FAM217A: variants seen among roughly 807,000 people sequenced by gnomAD.
FAM217A encodes the protein protein FAM217A.
Under a neutral mutation model 18.5 loss-of-function variants are expected in FAM217A, and 13 were observed. The ratio of observed to expected loss-of-function variants is 0.70; its 90% CI spans 0.46 to 1.12. The LOEUF (loss-of-function observed/expected upper bound fraction) is 1.12, where lower values mean the gene tolerates loss of function less well. Among genes scored for constraint, FAM217A ranks in the 50% most tolerant of loss-of-function variants. The pLI, the probability that FAM217A is intolerant of heterozygous loss-of-function variation, is 0.00. For synonymous variants in FAM217A, 161 were observed against 202.8 expected (o/e 0.79, Z 1.75); for missense variants, 560 against 575.4 (o/e 0.97, Z 0.27).
At position 4,073,468 on chromosome 6, in the gene FAM217A, G is replaced by T; in HGVS notation, c.199C>A (p.Pro67Thr). 2 of 1,613,496 alleles carry T rather than the reference G, an allele frequency of 1.2e-6. No homozygotes were observed. The highest frequency in any genetic ancestry group is 1.7e-6 in the Non-Finnish European group (2 of 1,179,774). The change falls in exon 5 of 7, where the codon CCT (proline) becomes ACT (threonine). Residue 67 changes from proline to threonine, a missense_variant. Pro to Thr is a conservative substitution (Grantham distance 38, BLOSUM62 -1). Coordinates refer to ENST00000274673, the MANE Select transcript of FAM217A (RefSeq NM_173563.3). ...EIPVEQLMLE[P>T]NLSVHSQKST... The stretch of plus-strand genomic sequence containing the variant: ...TTTTGACTATGCACCGACAAATTAG[G>T]TTCTAGCATCAGTTGCTCCACTGGA...
chr6:4,069,051 G>A lies in FAM217A; in HGVS notation c.1172C>T (p.Thr391Ile), dbSNP rs755217569. 6 of 1,614,020 alleles carry A rather than the reference G, an allele frequency of 3.7e-6. No individual in the cohort carries two copies. The highest frequency in any genetic ancestry group is 2.2e-5 in the South Asian group (2 of 91,006). ...SRPLSLKSSS[T>I]PKQLIETYDK... Reference sequence around the variant, plus strand: ...ATAAGTTTCAATCAATTGTTTTGGGGTGGAAGAACTTTTTAGAGACAGTGG... The same window carrying A: ...ATAAGTTTCAATCAATTGTTTTGGGATGGAAGAACTTTTTAGAGACAGTGG... The change falls in exon 7 of 7, where the codon ACC (threonine) becomes ATC (isoleucine). Residue 391 changes from threonine to isoleucine, a missense_variant. Transcript: ENST00000274673.
rs150752718 is a variant in FAM217A at position 4,069,505 on chromosome 6, C to G, written c.718G>C (p.Glu240Gln). ...TIKNVEEPFT[E>Q]EPNEVFPYPD... ...TATGGAAATACTTCATTTGGCTCCT[C>G]GGTGAAAGGTTCCTCAACATTTTTT... The change falls in exon 7 of 7, where the codon GAG becomes CAG. Residue 240 changes from glutamate to glutamine, a missense_variant. Coordinates refer to ENST00000274673, the MANE Select transcript of FAM217A (RefSeq NM_173563.3). 4.8e-4 allele frequency: 779 copies of G among 1,614,084 alleles called. 3 individuals carry two copies. The highest frequency in any genetic ancestry group is 6.0e-4 in the Non-Finnish European group (712 of 1,180,020).
At position 4,068,608 on chromosome 6, in the gene FAM217A, A is replaced by C; in HGVS notation, c.*88T>G. On this transcript the variant is annotated 3_prime_UTR_variant, in exon 7 of 7. Coordinates refer to ENST00000274673, the MANE Select transcript of FAM217A (RefSeq NM_173563.3). ...TTGGTGATTTTGGGGGACTGTTAAT[A>C]GTACCTGTGTCTTGGAATAATTAAC... 9.3e-5 allele frequency: 132 copies of C among 1,417,966 alleles called. No homozygotes were observed. The highest frequency in any genetic ancestry group is 1.1e-4 in the Non-Finnish European group (116 of 1,054,196). 87.8% of individuals were successfully genotyped at this position (1,417,966 alleles called of 1,614,324 possible).
chr6:4,078,000 A>C (rs73351529), intron 1 of FAM217A, among the ~76,000 whole-genome samples: 4,365 of 152,012 alleles, frequency 0.029, 197 homozygotes, highest in African/African-American at 0.1. Flanking sequence ...CTCTAAGGTA[A>C]CAAGCAAAAC....
intron 1 of FAM217A, chr6:4,084,852 G>T: frequency 2.9e-6 from 2 of 697,366 alleles, no homozygotes; most frequent in South Asian, 1.5e-5. Flanking sequence ...TAAAAGTCAT[G>T]AATAAAAGAT....
intron 6 of FAM217A, among the ~76,000 whole-genome samples, chr6:4,072,709 C>G (rs540165306): frequency 1.3e-5 from 2 of 151,880 alleles, no homozygotes; most frequent in South Asian, 4.2e-4. Flanking sequence ...TTGTGATGAG[C>G]TGAGATTGCA....
Position 4,069,151 on chromosome 6 carries a change from C to T in FAM217A, c.1072G>A (p.Gly358Ser), listed in dbSNP as rs768270632. ...KSQEKSKNNS[G>S]SCKLEQNALK... ...GCATTTTGTTCAAGCTTACAAGAACCAGAGTTGTTTTTACTTTTTTCTTGA... is the reference window on the plus strand; with the variant it reads ...GCATTTTGTTCAAGCTTACAAGAACTAGAGTTGTTTTTACTTTTTTCTTGA... The change falls in exon 7 of 7, where the codon GGT becomes AGT. Residue 358 changes from glycine to serine, a missense_variant. By Grantham distance (56) the Gly-to-Ser change is moderately conservative. Transcript: ENST00000274673. 6.2e-7 allele frequency: 1 copy of T among 1,614,040 alleles called. No homozygotes were observed. Among genetic ancestry groups the T allele is most frequent in the South Asian group, 1.1e-5 (1 of 91,040 alleles).
chr6:4,085,309 A>AT (rs1218177567), intron 1 of FAM217A, among the ~76,000 whole-genome samples: 1 of 114,382 alleles, frequency 8.7e-6, no homozygotes, highest in African/African-American at 3.6e-5. Context: ...ATTGTAAAAA[A>AT]AAATATATAT....
At chr6:4,077,933 A>T (rs1488358114) in intron 1 of FAM217A, among the ~76,000 whole-genome samples, 1 of 152,186 alleles carries the variant, frequency 6.6e-6, no homozygotes, top group African/African-American at 2.4e-5. Context: ...GCACCAATCA[A>T]TCAAGGTACC....
chr6:4,076,988 A>G lies in FAM217A; in HGVS notation c.60+367T>C, dbSNP rs570507308. Reference sequence around the variant, plus strand: ...AAGTCTGACAGTTTGCAAATTTCTTAAGAGTTGGGACTTGATTATGCTTTG... The same window carrying G: ...AAGTCTGACAGTTTGCAAATTTCTTGAGAGTTGGGACTTGATTATGCTTTG... On this transcript the variant is annotated intron_variant, in intron 2 of 6. Coordinates refer to ENST00000274673, the MANE Select transcript of FAM217A (RefSeq NM_173563.3). Among the ~76,000 whole-genome samples, 6 of 152,322 alleles carry G rather than the reference A, an allele frequency of 3.9e-5. No individual in the cohort carries two copies. In the South Asian group the frequency reaches 1.2e-3, roughly 32 times the overall value.
intron 3 of FAM217A, 59 bp from the exon 4 acceptor site, chr6:4,074,515 C>A: frequency 6.3e-7 from 1 of 1,579,322 alleles, no homozygotes; most frequent in Non-Finnish European, 8.7e-7. Context: ...ATATTCAAAA[C>A]AAACCCCCTT....
intron 1 of FAM217A, among the ~76,000 whole-genome samples, chr6:4,085,391 C>G (rs1053259408): frequency 4.0e-5 from 6 of 151,452 alleles, no homozygotes; most frequent in Non-Finnish European, 8.8e-5. Context: ...ATAATTGTGA[C>G]CTACTTCAGA....
At chr6:4,077,570 G>A in intron 1 of FAM217A, 122 bp from the exon 2 acceptor site, 1 of 816,646 alleles carries the variant, frequency 1.2e-6, no homozygotes, top group Non-Finnish European at 2.0e-6. Context: ...AGAAGAGAGG[G>A]GCTAGGAGAG....
intron 2 of FAM217A, 74 bp from the exon 3 acceptor site, chr6:4,074,735 T>C: frequency 1.8e-6 from 2 of 1,130,942 alleles, no homozygotes; most frequent in Non-Finnish European, 2.7e-6. Flanking sequence ...CACATGTTCT[T>C]GGGGTAAAGT....
chr6:4,071,215 A>AT (rs1769389231), intron 6 of FAM217A, among the ~76,000 whole-genome samples: 1 of 152,122 alleles, frequency 6.6e-6, no homozygotes. Flanking sequence ...GATAATACCT[A>AT]CCTTGGAGGT....
upstream of FAM217A, chr6:4,079,581 C>G (rs773187454): frequency 1.6e-6 from 2 of 1,286,354 alleles, no homozygotes; most frequent in Non-Finnish European, 2.0e-6. Context: ...CTGAGCTCTC[C>G]GCGACATGGC....
chr6:4,077,052 G>T (rs940918050), intron 2 of FAM217A, among the ~76,000 whole-genome samples: 1 of 152,162 alleles, frequency 6.6e-6, no homozygotes, highest in Non-Finnish European at 1.5e-5. Flanking sequence ...TTCACAAAGG[G>T]TGTGTGTGTG....
chr6:4,069,899 C>T lies in FAM217A; in HGVS notation c.324G>A (p.Val108=), dbSNP rs1769291115. ...GATTGATTACATTAAAGCCAGTTTC[C>T]ACTGAAGATTTTTTGAATTCCCTTT... ...IEKREFKKSS[V]ETGFNVINHP... is the part of the protein sequence containing the mutation. The change falls in exon 7 of 7, where the codon GTG becomes GTA. Residue 108 remains valine, a synonymous_variant. Transcript: ENST00000274673. The T allele has an allele frequency of 6.4e-7, 1 of 1,571,518 alleles. No individual in the cohort carries two copies. The highest frequency in any genetic ancestry group is 1.2e-5 in the South Asian group (1 of 84,844).
In FAM217A at chr6:4,078,840, C is replaced by A. The variant is rs1388929885; in HGVS notation, c.-35+12G>T. On this transcript the variant is annotated intron_variant, in intron 1 of 6. Coordinates refer to ENST00000274673, the MANE Select transcript of FAM217A (RefSeq NM_173563.3). The stretch of plus-strand genomic sequence containing the variant: ...GCTGCGGGATTCCCCGGGGCCGGGG[C>A]TCTCAACCCACCGCGCGAAGGCCCA... 2.2e-6 allele frequency: 1 copy of A among 461,840 alleles called. No individual in the cohort carries two copies. 28.6% of individuals were successfully genotyped at this position (461,840 alleles called of 1,614,324 possible).
Sources: gnomAD v4.1 joint callset for allele counts (sites outside exome capture counted in the v4.1 genomes callset) on GRCh38, gnomAD v4.1.1 for gene constraint, MANE v1.5 for transcripts, NCBI Gene and HGNC (gene_info 2026-07-23, HGNC 2026-07-21) for gene names.